The following EPN2 variants were observed in gnomAD, a reference collection of about 807,000 sequenced individuals.
The protein encoded by EPN2 is epsin 2, also known as epsin-2.
A neutral mutation model predicts 61.7 loss-of-function variants in EPN2; 34 were observed. The observed-to-expected ratio is 0.55, with a 90% CI of 0.42 to 0.73. The LOEUF (loss-of-function observed/expected upper bound fraction) is 0.73, where lower values mean the gene tolerates loss of function less well. Among genes scored for constraint, EPN2 ranks in the 30% least tolerant of loss-of-function variants. The pLI is 0.00. For synonymous variants in EPN2, 349 were observed against 353.6 expected (o/e 0.99, Z 0.15); for missense variants, 714 against 839.2 (o/e 0.85, Z 1.84).
intron 4 of EPN2, chr17:19,308,753 G>A (rs1374778685): frequency 3.7e-6 from 3 of 819,854 alleles, no homozygotes; most frequent in African/African-American, 3.7e-5. Flanking sequence ...TTCCTGAAAC[G>A]GGGGCAGAGG....
At chr17:19,312,574 A>G (rs916894315) in intron 6 of EPN2, among the ~76,000 whole-genome samples, 20 of 152,184 alleles carry the variant, frequency 1.3e-4, no homozygotes, top group African/African-American at 4.8e-4. Flanking sequence ...CAAGCTCATC[A>G]TCATCCAGTC....
chr17:19,309,978 G>T lies in EPN2; in HGVS notation c.860G>T (p.Ser287Ile). 1 of 1,607,572 alleles carries T rather than the reference G, an allele frequency of 6.2e-7. No individual in the cohort carries two copies. The change falls in exon 5 of 11, where the codon AGC becomes ATC. Residue 287 changes from serine to isoleucine, a missense_variant. Ser to Ile is a moderately radical substitution (Grantham distance 142). Around this residue, in one of 2 missense-constraint regions of EPN2, gnomAD observed 304 missense variants for 417.4 expected, o/e 0.73. Coordinates refer to ENST00000314728, the MANE Select transcript of EPN2 (RefSeq NM_014964.5). Reference protein sequence around the residue: ...ELQLQLALAMSREVAEQEERL... With the variant: ...ELQLQLALAMIREVAEQEERL... ...CAGCTGCAGCTGGCACTTGCCATGA[G>T]CAGAGAAGTGGCTGAGCAGGTCAGT...
rs1408207436 is a variant in EPN2, at chr17:19,312,004, T to C, written c.880-48T>C. On this transcript the variant is annotated intron_variant, in intron 5 of 10. Coordinates refer to ENST00000314728, the MANE Select transcript of EPN2 (RefSeq NM_014964.5). ...GTTTCTGGCCAGTGTGGCTTTGTTC[T>C]GTACAGTGATGTTATTACAATTACC... 3 of 1,260,340 alleles carry C rather than the reference T, an allele frequency of 2.4e-6. No individual in the cohort carries two copies. In the African/African-American group the frequency reaches 4.4e-5, roughly 18 times the overall value. The allele number at this position is 1,260,340 out of a possible 1,614,324, so 78.1% of individuals were successfully genotyped here.
intron 1 of EPN2, among the ~76,000 whole-genome samples, chr17:19,257,764 C>T (rs1342383900): frequency 6.6e-6 from 1 of 152,082 alleles, no homozygotes; most frequent in African/African-American, 2.4e-5. Context: ...GTGATCCACC[C>T]GCCTTGGCCT....
At chr17:19,250,837 C>T (rs1265995131) in intron 1 of EPN2, among the ~76,000 whole-genome samples, 1 of 145,636 alleles carries the variant, frequency 6.9e-6, no homozygotes, top group Non-Finnish European at 1.5e-5. Context: ...CTGCTACTTG[C>T]CCCCCTGCAC....
intron 1 of EPN2, among the ~76,000 whole-genome samples, chr17:19,248,164 G>A (rs2044973727): frequency 6.6e-6 from 1 of 152,312 alleles, no homozygotes; most frequent in South Asian, 2.1e-4. Context: ...CTGGGTTCCT[G>A]AGCTATTGTA....
At position 19,301,002 on chromosome 17, in the gene EPN2, C is replaced by T. The variant is rs569752832; in HGVS notation, c.767-8883C>T. 9.2e-5 allele frequency among the ~76,000 whole-genome samples: 14 copies of T among 152,232 alleles called. No homozygotes were observed. In the East Asian group the frequency reaches 1.4e-3, roughly 15 times the overall value. ...GAGCTGATACTTAGGGATGAGGATGCGGTTCTCCTTCCCATTCGAGGACCA... is the reference window on the plus strand; with the variant it reads ...GAGCTGATACTTAGGGATGAGGATGTGGTTCTCCTTCCCATTCGAGGACCA... On this transcript the variant is annotated intron_variant, in intron 4 of 10. Transcript: ENST00000314728.
At chr17:19,264,419 T>C (rs1205172943) in intron 1 of EPN2, among the ~76,000 whole-genome samples, 1 of 152,132 alleles carries the variant, frequency 6.6e-6, no homozygotes, top group Non-Finnish European at 1.5e-5. Flanking sequence ...GTCAAAAGCA[T>C]GTGAGGCATG....
chr17:19,286,161 C>T (rs1016309555), intron 4 of EPN2, among the ~76,000 whole-genome samples: 4 of 152,116 alleles, frequency 2.6e-5, no homozygotes, highest in South Asian at 4.1e-4. Context: ...CTTGTTGGAC[C>T]GGAAATGTGT....
chr17:19,276,777 T>TTTTTTTTTGTTTG (rs1555598448), intron 1 of EPN2, among the ~76,000 whole-genome samples: 19 of 148,370 alleles, frequency 1.3e-4, no homozygotes, highest in African/African-American at 4.7e-4. Context: ...GAATAAGTTT[T>TTTTTTTTTGTTTG]TTTTTTTTTT....
At chr17:19,278,266 A>C (rs907243442) in intron 1 of EPN2, among the ~76,000 whole-genome samples, 1 of 151,950 alleles carries the variant, frequency 6.6e-6, no homozygotes, top group African/African-American at 2.4e-5. Context: ...ATGAGCCACC[A>C]CACCTGGTCC....
At chr17:19,309,403 A>T (rs1386344428) in intron 4 of EPN2, among the ~76,000 whole-genome samples, 2 of 152,212 alleles carry the variant, frequency 1.3e-5, no homozygotes. Flanking sequence ...TGTGAGGATT[A>T]TAGGCGTGAG....
chr17:19,288,464 G>A (rs1448734216), intron 4 of EPN2, among the ~76,000 whole-genome samples: 1 of 152,244 alleles, frequency 6.6e-6, no homozygotes, highest in African/African-American at 2.4e-5. Flanking sequence ...GTAAGAGAGG[G>A]TGGCTTGCAG....
chr17:19,240,684 C>T (rs1597963373), intron 1 of EPN2, among the ~76,000 whole-genome samples: 4 of 152,304 alleles, frequency 2.6e-5, no homozygotes, highest in South Asian at 4.1e-4. Context: ...CTAGCTCGTC[C>T]GATGTTTGGC....
chr17:19,312,198 C>T, intron 6 of EPN2, 54 bp downstream of exon 6: 3 of 1,283,938 alleles, frequency 2.3e-6, no homozygotes, highest in Admixed American at 1.7e-5. Context: ...GTTGTTGCCT[C>T]AATATCCCCC....
chr17:19,260,029 G>A (rs1319751020), intron 1 of EPN2, among the ~76,000 whole-genome samples: 1 of 152,166 alleles, frequency 6.6e-6, no homozygotes, highest in Admixed American at 6.5e-5. Context: ...GTAGGATTAT[G>A]TTTCCACACT....
At chr17:19,314,654 C>G (rs923498264) in intron 7 of EPN2, among the ~76,000 whole-genome samples, 8 of 152,186 alleles carry the variant, frequency 5.3e-5, no homozygotes, top group East Asian at 1.9e-4. Context: ...CCTTATACCC[C>G]CTTTGGCAGG....
At chr17:19,272,424 C>T (rs916472047) in intron 1 of EPN2, among the ~76,000 whole-genome samples, 2 of 152,116 alleles carry the variant, frequency 1.3e-5, no homozygotes, top group African/African-American at 4.8e-5. Context: ...TGACCTGTGG[C>T]TGGGCTGATC....
chr17:19,312,883 C>G, intron 6 of EPN2: 1 of 521,270 alleles, frequency 1.9e-6, no homozygotes, highest in Non-Finnish European at 3.4e-6. Flanking sequence ...TCTCTGAAGT[C>G]TGGTGAGGGG....
Sources: gnomAD v4.1 joint callset for allele counts (sites outside exome capture counted in the v4.1 genomes callset) on GRCh38, gnomAD v4.1.1 for gene constraint, gnomAD v4.1.1 regional missense constraint, MANE v1.5 for transcripts, NCBI Gene and HGNC (gene_info 2026-07-23, HGNC 2026-07-21) for gene names.